The following NEBL variants were observed in gnomAD, a reference collection of about 807,000 sequenced individuals.
The protein encoded by NEBL is nebulette.
NEBL carries 122 observed loss-of-function variants against 140.2 expected under a neutral mutation model. That is an observed-to-expected ratio of 0.87 (90% CI 0.75 to 1.01). The LOEUF (loss-of-function observed/expected upper bound fraction) is 1.01. Ranked by LOEUF, NEBL falls within the 50% of genes least tolerant of loss-of-function variation. The probability of loss-of-function intolerance (pLI) is 0.00; values close to 1 mark genes in which losing one functional copy is unlikely to be tolerated. For synonymous variants in NEBL, 436 were observed against 398.9 expected (o/e 1.09, Z -1.11); for missense variants, 1,365 against 1,231.3 (o/e 1.11, Z -1.62).
At chr10:21,292,063 T>C (rs1843151735) in intron 1 of NEBL, among the ~76,000 whole-genome samples, 1 of 152,206 alleles carries the variant, frequency 6.6e-6, no homozygotes, top group African/African-American at 2.4e-5. Context: ...TGCTCTTAAA[T>C]GTGTCTTAGT....
chr10:21,231,454 C>T (rs564337604), intron 3 of NEBL, among the ~76,000 whole-genome samples: 7 of 152,064 alleles, frequency 4.6e-5, no homozygotes, highest in South Asian at 2.1e-4. Context: ...GCAGGGGAAT[C>T]GCTTGAACTC....
intron 3 of NEBL, among the ~76,000 whole-genome samples, chr10:21,197,801 T>C (rs1841674295): frequency 6.6e-6 from 1 of 152,238 alleles, no homozygotes; most frequent in Non-Finnish European, 1.5e-5. Flanking sequence ...ACTACTGATG[T>C]CGGCTGGTCT....
rs190736527 is a variant in NEBL, at chr10:20,884,359, G to A, written c.370-3455C>T. On this transcript the variant is annotated intron_variant, in intron 4 of 27. Coordinates refer to ENST00000377122, the MANE Select transcript of NEBL (RefSeq NM_006393.3). ...TCCAAAGTTCTGGGATTACAGGCAC[G>A]AGCCACAGCATCTGGCCAAATGTGG... Among the ~76,000 whole-genome samples, 9 of 152,236 alleles carry A rather than the reference G, an allele frequency of 5.9e-5. No homozygotes were observed. In the East Asian group the frequency reaches 9.6e-4, roughly 16 times the overall value.
intron 4 of NEBL, among the ~76,000 whole-genome samples, chr10:20,921,190 T>G (rs569470125): frequency 6.6e-6 from 1 of 152,310 alleles, no homozygotes; most frequent in East Asian, 1.9e-4. Context: ...CACAGAGTAG[T>G]GCTGATCCAT....
intron 1 of NEBL, among the ~76,000 whole-genome samples, chr10:21,268,496 A>T (rs2132286959): frequency 6.6e-6 from 1 of 150,820 alleles, no homozygotes; most frequent in African/African-American, 2.5e-5. Flanking sequence ...AGAGTAAAAA[A>T]TACATTAAAA....
At chr10:20,857,078 C>G (rs1451046811) in intron 9 of NEBL, among the ~76,000 whole-genome samples, 1 of 152,152 alleles carries the variant, frequency 6.6e-6, no homozygotes, top group Non-Finnish European at 1.5e-5. Context: ...ATCCACCCGC[C>G]TCCCACAGTG....
chr10:20,858,125 G>T, intron 9 of NEBL, 115 bp downstream of exon 9: 1 of 791,080 alleles, frequency 1.3e-6, no homozygotes, highest in Non-Finnish European at 2.2e-6. Context: ...TAGTTAACGA[G>T]GGAGGAGTGA....
At chr10:20,911,208 T>C (rs1848319145) in intron 4 of NEBL, among the ~76,000 whole-genome samples, 1 of 152,088 alleles carries the variant, frequency 6.6e-6, no homozygotes. Context: ...GAGTAAGCAC[T>C]GCAGTAAGTC....
At chr10:20,831,120 T>C in intron 16 of NEBL, 76 bp downstream of exon 16, 3 of 1,051,618 alleles carry the variant, frequency 2.9e-6, no homozygotes, top group Non-Finnish European at 4.5e-6. Context: ...AAAGATATCA[T>C]TCATAGAGAC....
chr10:20,818,437 G>A (rs1387038352), intron 20 of NEBL, among the ~76,000 whole-genome samples: 2 of 152,196 alleles, frequency 1.3e-5, no homozygotes, highest in Non-Finnish European at 2.9e-5. Flanking sequence ...GCCCAGCACA[G>A]AGTAGCGCTG....
chr10:21,028,604 C>T (rs143083526), intron 2 of NEBL, among the ~76,000 whole-genome samples: 1 of 152,134 alleles, frequency 6.6e-6, no homozygotes, highest in African/African-American at 2.4e-5. Flanking sequence ...TCTTTCTATC[C>T]TTCATGAGAA....
intron 7 of NEBL, among the ~76,000 whole-genome samples, chr10:20,861,854 G>A (rs1969903): frequency 0.55 from 84,283 of 151,960 alleles, 24,948 homozygotes; most frequent in Non-Finnish European, 0.65. Context: ...TTATGATGGG[G>A]TTGCATCTCA....
intron 2 of NEBL, among the ~76,000 whole-genome samples, chr10:20,891,752 T>G (rs564751119): frequency 1.3e-5 from 2 of 152,158 alleles, no homozygotes; most frequent in Non-Finnish European, 2.9e-5. Context: ...GTATTTAAAA[T>G]TTAAGATCCT....
At chr10:21,066,273 T>C (rs920584186) in intron 2 of NEBL, among the ~76,000 whole-genome samples, 4 of 152,206 alleles carry the variant, frequency 2.6e-5, no homozygotes, top group Admixed American at 2.0e-4. Flanking sequence ...AGGATAGGAA[T>C]GTTGCAGTTG....
chr10:20,846,848 A>G (rs1315322628), intron 11 of NEBL, among the ~76,000 whole-genome samples: 2 of 151,992 alleles, frequency 1.3e-5, no homozygotes, highest in African/African-American at 4.8e-5. Flanking sequence ...ATATATAGCT[A>G]GAAAAAAAAA....
chr10:21,161,827 C>A (rs1251307870), intron 2 of NEBL, among the ~76,000 whole-genome samples: 1 of 152,090 alleles, frequency 6.6e-6, no homozygotes, highest in Non-Finnish European at 1.5e-5. Flanking sequence ...ATTTGAATGG[C>A]CTTTGTCCCT....
At chr10:21,290,082 T>C (rs1388402435) in intron 1 of NEBL, among the ~76,000 whole-genome samples, 1 of 152,192 alleles carries the variant, frequency 6.6e-6, no homozygotes, top group Non-Finnish European at 1.5e-5. Flanking sequence ...AAGCAGGTTG[T>C]AAAGAATCTA....
At position 20,872,318 on chromosome 10, in the gene NEBL, G is replaced by A. The variant is rs45559734; in HGVS notation, c.481-2477C>T. On this transcript the variant is annotated intron_variant, in intron 5 of 27. Coordinates refer to ENST00000377122, the MANE Select transcript of NEBL (RefSeq NM_006393.3). ...GCAAATTCAAACAAGAGGACACCAC[G>A]GAGCCACACAGAAAAAAGCTTCCGC... 1.0e-3 allele frequency among the ~76,000 whole-genome samples: 157 copies of A among 152,196 alleles called. 1 individual carries two copies. Among genetic ancestry groups the A allele is most frequent in the Middle Eastern group, 6.8e-3 (2 of 294 alleles).
At chr10:21,249,936 C>T (rs1300713139) in intron 2 of NEBL, among the ~76,000 whole-genome samples, 1 of 151,970 alleles carries the variant, frequency 6.6e-6, no homozygotes, top group East Asian at 1.9e-4. Context: ...TGGTGGTACA[C>T]ACCTGTAATC....
Sources: gnomAD v4.1 joint callset for allele counts (sites outside exome capture counted in the v4.1 genomes callset) on GRCh38, gnomAD v4.1.1 for gene constraint, MANE v1.5 for transcripts, NCBI Gene and HGNC (gene_info 2026-07-23, HGNC 2026-07-21) for gene names.